The following RNF216 variants were observed in gnomAD, a reference collection of about 807,000 sequenced individuals.
The protein encoded by RNF216 is E3 ubiquitin-protein ligase RNF216.
Under a neutral mutation model 110.8 loss-of-function variants are expected in RNF216, and 72 were observed. That is an observed-to-expected ratio of 0.65 (90% CI 0.54 to 0.79). The LOEUF (loss-of-function observed/expected upper bound fraction) is 0.79, where lower values mean the gene tolerates loss of function less well. Ranked by LOEUF, RNF216 falls within the 30% of genes least tolerant of loss-of-function variation. The probability of loss-of-function intolerance (pLI) is 0.00; values close to 1 mark genes in which losing one functional copy is unlikely to be tolerated. For synonymous variants in RNF216, 495 were observed against 407.5 expected, an observed-to-expected ratio of 1.21 and a Z score of -2.59; for missense variants, 1,342 against 1,141.2, an observed-to-expected ratio of 1.18 and a Z score of -2.54.
intron 2 of RNF216, among the ~76,000 whole-genome samples, chr7:5,753,931 G>A (rs528194593): frequency 3.9e-4 from 60 of 152,188 alleles, no homozygotes; most frequent in African/African-American, 1.3e-3. Context: ...GGAGGCAGAG[G>A]TTGCAGTGAG....
chr7:5,771,234 C>A (rs1306005038), intron 1 of RNF216, among the ~76,000 whole-genome samples: 1 of 152,062 alleles, frequency 6.6e-6, no homozygotes, highest in East Asian at 1.9e-4. Flanking sequence ...GGTAACAACC[C>A]CTTCCTCATG....
At chr7:5,716,885 A>G (rs1793097921) in intron 9 of RNF216, 119 bp from the exon 10 acceptor site, 1 of 716,772 alleles carries the variant, frequency 1.4e-6, no homozygotes, top group African/African-American at 1.8e-5. Context: ...TACACAGTTT[A>G]GCAGTTCAAA....
At chr7:5,641,502 G>T in intron 14 of RNF216, 126 bp from the exon 15 acceptor site, 2 of 756,340 alleles carry the variant, frequency 2.6e-6, no homozygotes, top group Non-Finnish European at 4.2e-6. Context: ...ATTAAACAGT[G>T]AAAAGAGCCT....
intron 15 of RNF216, among the ~76,000 whole-genome samples, chr7:5,628,080 T>C (rs1210228997): frequency 6.6e-6 from 1 of 152,194 alleles, no homozygotes; most frequent in Non-Finnish European, 1.5e-5. Context: ...GAGTTCTTCC[T>C]GGAGAGGAAG....
chr7:5,766,338 G>A (rs1235758808), intron 1 of RNF216, among the ~76,000 whole-genome samples: 2 of 152,118 alleles, frequency 1.3e-5, no homozygotes, highest in African/African-American at 4.8e-5. Context: ...TCTAGAGGAT[G>A]AGTGATGCTC....
At chr7:5,755,776 G>T (rs1165738981) in intron 2 of RNF216, among the ~76,000 whole-genome samples, 2 of 152,076 alleles carry the variant, frequency 1.3e-5, no homozygotes, top group African/African-American at 4.8e-5. Flanking sequence ...CAAGTCTTTG[G>T]TGTACTCATT....
rs538708437 is a variant in RNF216 at position 5,690,781 on chromosome 7, T to C, written c.2061+20980A>G. On this transcript the variant is annotated intron_variant, in intron 13 of 16. Coordinates refer to ENST00000389902, the MANE Select transcript of RNF216 (RefSeq NM_207111.4). ...GCAATACAGCCCACACTAGAGCTCA[T>C]GCCCCGACAGCCTGCAGGGATGTAC... Among the ~76,000 whole-genome samples the C allele has an allele frequency of 5.4e-4, 82 of 152,242 alleles. No homozygotes were observed. In the South Asian group the frequency reaches 0.016, roughly 30 times the overall value.
intron 13 of RNF216, among the ~76,000 whole-genome samples, chr7:5,689,967 A>G (rs931517424): frequency 6.6e-6 from 1 of 151,162 alleles, no homozygotes; most frequent in African/African-American, 2.4e-5. Context: ...AGAGAAGAGA[A>G]GAGGAGGGCA....
intron 8 of RNF216, among the ~76,000 whole-genome samples, chr7:5,722,015 G>C (rs1793458216): frequency 6.6e-6 from 1 of 152,198 alleles, no homozygotes; most frequent in African/African-American, 2.4e-5. Flanking sequence ...CTCAACTCCT[G>C]GGCTCAGGCA....
chr7:5,636,811 T>G (rs1187198694), intron 15 of RNF216, among the ~76,000 whole-genome samples: 1 of 152,106 alleles, frequency 6.6e-6, no homozygotes, highest in African/African-American at 2.4e-5. Flanking sequence ...CTAGAAACTT[T>G]CTCAGGTTAG....
chr7:5,725,309 C>T lies in RNF216; in HGVS notation c.1504+15G>A. ...TGTTGCAGCTACACACTGCCACCAA[C>T]ACAGTTTGCATTACCTTGTTCAAAC... On this transcript the variant is annotated intron_variant, in intron 8 of 16. Coordinates refer to ENST00000389902, the MANE Select transcript of RNF216 (RefSeq NM_207111.4). The T allele has an allele frequency of 2.1e-6, 3 of 1,427,252 alleles. No homozygotes were observed. Among genetic ancestry groups the T allele is most frequent in the Non-Finnish European group, 3.0e-6 (3 of 1,010,192 alleles). 88.4% of individuals were successfully genotyped at this position (1,427,252 alleles called of 1,614,324 possible).
At chr7:5,777,055 G>C (rs1796826233) in intron 1 of RNF216, among the ~76,000 whole-genome samples, 1 of 152,160 alleles carries the variant, frequency 6.6e-6, no homozygotes, top group South Asian at 2.1e-4. Flanking sequence ...CAGGTAAAAA[G>C]TCTGAATACC....
intron 15 of RNF216, among the ~76,000 whole-genome samples, chr7:5,640,694 G>C (rs1787683754): frequency 1.3e-5 from 2 of 152,162 alleles, no homozygotes; most frequent in Admixed American, 1.3e-4. Context: ...AACCATCATT[G>C]CATTTCTAGA....
chr7:5,694,404 C>T (rs374804188), intron 13 of RNF216, among the ~76,000 whole-genome samples: 1 of 151,762 alleles, frequency 6.6e-6, no homozygotes, highest in African/African-American at 2.4e-5. Context: ...ATTCTGACCA[C>T]GAGCACTATC....
chr7:5,737,544 AAT>A (rs1395175526), intron 5 of RNF216, among the ~76,000 whole-genome samples: 3 of 100,090 alleles, frequency 3.0e-5, no homozygotes, highest in South Asian at 3.5e-4. Flanking sequence ...TAATAATAAT[AAT>A]AAATAAATAA....
At chr7:5,630,525 T>C (rs935811947) in intron 15 of RNF216, among the ~76,000 whole-genome samples, 1 of 152,198 alleles carries the variant, frequency 6.6e-6, no homozygotes, top group Non-Finnish European at 1.5e-5. Flanking sequence ...ACTACAGGTG[T>C]GTATCACCAT....
At chr7:5,635,936 C>A (rs533598701) in intron 15 of RNF216, among the ~76,000 whole-genome samples, 1 of 152,334 alleles carries the variant, frequency 6.6e-6, no homozygotes, top group East Asian at 1.9e-4. Context: ...AGGTTTCAAA[C>A]TCTTACATTC....
At position 5,741,219 on chromosome 7, in the gene RNF216, C is replaced by T. The variant is rs1036839657; in HGVS notation, c.798G>A (p.Gln266=). Residue 266 remains glutamine (Q), a synonymous_variant, in exon 4 of 17, where the codon CAG becomes CAA. Coordinates refer to ENST00000389902, the MANE Select transcript of RNF216 (RefSeq NM_207111.4). ...GAAAAGCGGGCCCTGGGAATTCATGCTGAAACAACAAGCGGCCCAGTTCTG... is the reference window on the plus strand; with the variant it reads ...GAAAAGCGGGCCCTGGGAATTCATGTTGAAACAACAAGCGGCCCAGTTCTG... The part of the protein sequence containing the change: ...PEAELGRLLF[Q]HEFPGPAFPR... 1.2e-6 allele frequency: 2 copies of T among 1,614,026 alleles called. No individual in the cohort carries two copies. The highest frequency in any genetic ancestry group is 1.7e-6 in the Non-Finnish European group (2 of 1,180,030).
At chr7:5,694,577 A>C (rs1414650626) in intron 13 of RNF216, among the ~76,000 whole-genome samples, 1 of 152,200 alleles carries the variant, frequency 6.6e-6, no homozygotes, top group Non-Finnish European at 1.5e-5. Flanking sequence ...TAAACGACAA[A>C]ACAAATCTCA....
Sources: gnomAD v4.1 joint callset for allele counts (sites outside exome capture counted in the v4.1 genomes callset) on GRCh38, gnomAD v4.1.1 for gene constraint, MANE v1.5 for transcripts, NCBI Gene and HGNC (gene_info 2026-07-23, HGNC 2026-07-21) for gene names.